The following CPNE5 variants were observed in gnomAD, a reference collection of about 807,000 sequenced individuals.
CPNE5 encodes the protein copine-5.
CPNE5 carries 42 observed loss-of-function variants against 81.1 expected under a neutral mutation model. That is an observed-to-expected ratio of 0.52 (90% CI 0.40 to 0.67). The LOEUF (loss-of-function observed/expected upper bound fraction) is 0.67, where lower values mean the gene tolerates loss of function less well. Ranked by LOEUF, CPNE5 falls within the 30% of genes least tolerant of loss-of-function variation. The pLI is 0.00. For missense variants in CPNE5, 612 were observed against 815.5 expected, an observed-to-expected ratio of 0.75 and a Z score of 3.04; for synonymous variants, 313 against 321.5, an observed-to-expected ratio of 0.97 and a Z score of 0.28.
In CPNE5 at chr6:36,746,085, T is replaced by A; in HGVS notation, c.1200+311A>T. ...TCAGGGATACCCAACCCACACCACC[T>A]TGTTCACTTTTCTGGGGCCCTGAGG... is the stretch of plus-strand genomic sequence containing the variant. On this transcript the variant is annotated intron_variant, in intron 16 of 20. Transcript: ENST00000244751. This position sits in a 1 kb window ranked among gnomAD's most constrained non-coding sequence, Gnocchi z 4.5. The A allele has an allele frequency of 8.7e-6, 7 of 802,172 alleles. No individual in the cohort carries two copies. Among genetic ancestry groups the A allele is most frequent in the Non-Finnish European group, 1.1e-5 (7 of 663,052 alleles). The allele number at this position is 802,172 out of a possible 1,614,324, so 49.7% of individuals were successfully genotyped here. A position where few individuals can be genotyped will look rare whatever the true frequency, so the allele number is the denominator to read the frequency against.
chr6:36,776,093 T>C (rs367583414), intron 9 of CPNE5, among the ~76,000 whole-genome samples: 1 of 152,180 alleles, frequency 6.6e-6, no homozygotes, highest in East Asian at 1.9e-4. Flanking sequence ...CTGGTGTCCC[T>C]GCCCATGCCC....
intron 8 of CPNE5, among the ~76,000 whole-genome samples, chr6:36,788,407 G>C (rs542080970): frequency 1.3e-5 from 2 of 152,124 alleles, no homozygotes; most frequent in Non-Finnish European, 2.9e-5. Context: ...GTCGGTGACT[G>C]TTCCCTGTAC....
chr6:36,827,323 C>A (rs1394440581), intron 1 of CPNE5: 2 of 985,402 alleles, frequency 2.0e-6, no homozygotes, highest in Non-Finnish European at 2.4e-6. Flanking sequence ...TGCTAAACCT[C>A]CTACCTTGGC....
intron 1 of CPNE5, among the ~76,000 whole-genome samples, chr6:36,835,868 C>T (rs1217131699): frequency 1.3e-5 from 2 of 152,004 alleles, no homozygotes; most frequent in Non-Finnish European, 2.9e-5. Context: ...CCCTGGGAGC[C>T]AGCTATAGAG....
Position 36,769,905 on chromosome 6 carries a change from G to A in CPNE5, c.738-4529C>T, listed in dbSNP as rs933856190. Among the ~76,000 whole-genome samples the A allele has an allele frequency of 1.8e-4, 27 of 152,160 alleles. 1 individual carries two copies. The highest frequency in any genetic ancestry group is 1.6e-3 in the Admixed American group (24 of 15,280). On this transcript the variant is annotated intron_variant, in intron 10 of 20. Transcript: ENST00000244751. Reference sequence around the variant, plus strand: ...GTGCCAGGCAGAAGTGGGAAGCTGCGGTGACTCCTTTCCTCTCTCCAGGTG... The same window carrying A: ...GTGCCAGGCAGAAGTGGGAAGCTGCAGTGACTCCTTTCCTCTCTCCAGGTG...
intron 8 of CPNE5, among the ~76,000 whole-genome samples, chr6:36,787,254 A>G (rs574834056): frequency 6.6e-6 from 1 of 152,070 alleles, no homozygotes; most frequent in African/African-American, 2.4e-5. Flanking sequence ...TTATCTTTGG[A>G]AAAACAAAAG....
At chr6:36,811,108 G>A (rs911698727) in intron 3 of CPNE5, among the ~76,000 whole-genome samples, 8 of 152,146 alleles carry the variant, frequency 5.3e-5, no homozygotes, top group African/African-American at 1.9e-4. Flanking sequence ...CTTTACCAAT[G>A]AGCCTGGCTG....
At chr6:36,769,476 A>G (rs1766865126) in intron 10 of CPNE5, among the ~76,000 whole-genome samples, 1 of 152,246 alleles carries the variant, frequency 6.6e-6, no homozygotes, top group African/African-American at 2.4e-5. Context: ...GTTTCCTCCC[A>G]GCTGAGCTGC....
chr6:36,773,436 A>G (rs1767220227), intron 10 of CPNE5, among the ~76,000 whole-genome samples: 1 of 152,206 alleles, frequency 6.6e-6, no homozygotes, highest in Non-Finnish European at 1.5e-5. Flanking sequence ...TTGTGTGATT[A>G]TTGGATTAAT....
At chr6:36,757,387 G>C (rs959268029) in intron 12 of CPNE5, 1 of 984,900 alleles carries the variant, frequency 1.0e-6, no homozygotes, top group Admixed American at 6.2e-5. Context: ...TCTTCTGTCT[G>C]GGTGAGTATT....
At chr6:36,819,788 G>A (rs1771881957) in intron 3 of CPNE5, among the ~76,000 whole-genome samples, 3 of 152,072 alleles carry the variant, frequency 2.0e-5, no homozygotes, top group Non-Finnish European at 2.9e-5. Context: ...GACCCCAGGC[G>A]GAGTCTCTGT....
chr6:36,837,001 C>T (rs1224213892), intron 1 of CPNE5, among the ~76,000 whole-genome samples: 1 of 152,178 alleles, frequency 6.6e-6, no homozygotes, highest in Non-Finnish European at 1.5e-5. Context: ...GGTATTGACC[C>T]AGGGTCAGCC....
At chr6:36,834,221 T>C (rs1309490774) in intron 1 of CPNE5, among the ~76,000 whole-genome samples, 2 of 113,154 alleles carry the variant, frequency 1.8e-5, no homozygotes, top group East Asian at 5.5e-4. Flanking sequence ...ACTCTACCAC[T>C]GCATTCCAGC....
chr6:36,787,348 C>G (rs1389257028), intron 8 of CPNE5, among the ~76,000 whole-genome samples: 7 of 152,102 alleles, frequency 4.6e-5, no homozygotes, highest in African/African-American at 1.7e-4. Flanking sequence ...ACCATCACCA[C>G]CCACAGTCTC....
intron 16 of CPNE5, among the ~76,000 whole-genome samples, 156 bp from the exon 17 acceptor site, chr6:36,745,671 C>T (rs1419971671): frequency 1.3e-5 from 2 of 152,086 alleles, no homozygotes; most frequent in Admixed American, 1.3e-4. Flanking sequence ...GCTCCCAGGG[C>T]CCATCCTGAA....
At chr6:36,838,113 A>G (rs907009379) in intron 1 of CPNE5, among the ~76,000 whole-genome samples, 10 of 152,152 alleles carry the variant, frequency 6.6e-5, no homozygotes, top group African/African-American at 2.4e-4. Context: ...AGTCACACTG[A>G]GTCCTTCCCT....
Position 36,757,648 on chromosome 6 carries a change from T to C in CPNE5, c.856-1350A>G, listed in dbSNP as rs184429071. ...TATCACCTATGTTGGAGAGAGAAGATATGTCCTCAGGGCAAAAAGTGACAA... is the reference window on the plus strand; with the variant it reads ...TATCACCTATGTTGGAGAGAGAAGACATGTCCTCAGGGCAAAAAGTGACAA... On this transcript the variant is annotated intron_variant, in intron 12 of 20. Coordinates refer to ENST00000244751, the MANE Select transcript of CPNE5 (RefSeq NM_020939.2). 2.6e-4 allele frequency among the ~76,000 whole-genome samples: 40 copies of C among 152,254 alleles called. No homozygotes were observed. The East Asian group carries it at 6.9e-3, about 26-fold the overall frequency.
intron 1 of CPNE5, 126 bp from the exon 2 acceptor site, chr6:36,823,224 A>C: frequency 1.5e-6 from 1 of 669,916 alleles, no homozygotes; most frequent in Non-Finnish European, 2.3e-6. Flanking sequence ...CAGTTCCACA[A>C]TCGTTTATTA....
chr6:36,803,905 C>T (rs954931942), intron 3 of CPNE5, among the ~76,000 whole-genome samples: 12 of 152,012 alleles, frequency 7.9e-5, no homozygotes, highest in Non-Finnish European at 5.9e-5. Context: ...TTTAAAGTTC[C>T]CTAGGTGATC....
Sources: allele counts gnomAD v4.1 joint callset (sites outside exome capture counted in the v4.1 genomes callset), GRCh38; gene constraint gnomAD v4.1.1; non-coding constraint Gnocchi (gnomAD v3.1); transcripts MANE v1.5; gene names NCBI Gene and HGNC (gene_info 2026-07-23, HGNC 2026-07-21).